The following NDUFAF7 variants were observed in gnomAD, a reference collection of about 807,000 sequenced individuals.
The protein encoded by NDUFAF7 is NADH:ubiquinone oxidoreductase complex assembly factor 7.
A neutral mutation model predicts 47.2 loss-of-function variants in NDUFAF7; 48 were observed. The observed-to-expected ratio is 1.02, with a 90% confidence interval of 0.81 to 1.29. The LOEUF (loss-of-function observed/expected upper bound fraction) is 1.29, where lower values mean the gene tolerates loss of function less well. Ranked by LOEUF, NDUFAF7 falls within the 50% of genes most tolerant of loss-of-function variation. NDUFAF7 has a pLI of 0.00. For missense variants in NDUFAF7, 635 were observed against 537.6 expected (o/e 1.18, Z -1.79); for synonymous variants, 217 against 190.0 (o/e 1.14, Z -1.17).
chr2:37,232,365 G>A, intron 2 of NDUFAF7, 99 bp downstream of exon 2: 2 of 1,489,696 alleles, frequency 1.3e-6, no homozygotes, highest in Non-Finnish European at 9.4e-7. Context: ...CAGGCAGTGG[G>A]GGTGCCTGCC....
chr2:37,237,582 T>G (rs1665927309), intron 3 of NDUFAF7, among the ~76,000 whole-genome samples, 175 bp from the exon 4 acceptor site: 1 of 152,228 alleles, frequency 6.6e-6, no homozygotes, highest in South Asian at 2.1e-4. Context: ...TATGTTATGA[T>G]GTAGTCCCAG....
intron 9 of NDUFAF7, 59 bp downstream of exon 9, chr2:37,247,688 T>C (rs1366135481): frequency 3.2e-6 from 5 of 1,580,438 alleles, no homozygotes; most frequent in Non-Finnish European, 4.3e-6. Flanking sequence ...AAAAATTACT[T>C]TAAATAGTAT....
chr2:37,263,328 TTC>T, the NDUFAF7 span, among the ~76,000 whole-genome samples: 1 of 152,222 alleles, frequency 6.6e-6, no homozygotes. Context: ...TGTAATTTAT[TTC>T]TGCTTTAATG....
At chr2:37,260,176 A>C in the NDUFAF7 span, 1 of 1,519,164 alleles carries the variant, frequency 6.6e-7, no homozygotes, top group Non-Finnish European at 9.0e-7. Context: ...AAAAAAAAAA[A>C]ATTAGTTTTT....
chr2:37,244,241 T>C (rs747276604), intron 7 of NDUFAF7, among the ~76,000 whole-genome samples: 9 of 152,328 alleles, frequency 5.9e-5, no homozygotes, highest in South Asian at 2.1e-4. Context: ...TTTCACTGCT[T>C]ATCTCAGTTT....
downstream of NDUFAF7, chr2:37,251,124 G>C (rs1168960363): frequency 2.0e-5 from 3 of 152,544 alleles, no homozygotes; most frequent in Non-Finnish European, 4.4e-5. Context: ...ATTCCATTTT[G>C]TGTGTGTTGA....
chr2:37,237,636 A>T, intron 3 of NDUFAF7, 121 bp from the exon 4 acceptor site: 1 of 719,140 alleles, frequency 1.4e-6, no homozygotes, highest in Non-Finnish European at 2.4e-6. Context: ...AACAACATAC[A>T]TATGGCTGTA....
In NDUFAF7 at chr2:37,237,895, C is replaced by G. The variant is rs749265055; in HGVS notation, c.408+28C>G. ...AGGTAATAAAAGAATGTCTTCTAGT[C>G]TCATATAAGTGAATTTTAGTACTTC... is the stretch of plus-strand genomic sequence containing the variant. On this transcript the variant is annotated intron_variant, in intron 4 of 9. Transcript: ENST00000002125. 7 of 1,482,460 alleles carry G rather than the reference C, an allele frequency of 4.7e-6. No individual in the cohort carries two copies. The African/African-American group carries it at 9.7e-5, about 21-fold the overall frequency. 91.8% of individuals were successfully genotyped at this position (1,482,460 alleles called of 1,614,324 possible). A position where few individuals can be genotyped will look rare whatever the true frequency, so the allele number is the denominator to read the frequency against.
chr2:37,255,559 G>A (rs562779386), downstream of NDUFAF7, among the ~76,000 whole-genome samples: 18 of 152,238 alleles, frequency 1.2e-4, no homozygotes, highest in African/African-American at 4.3e-4. Context: ...TCCCAGCAGA[G>A]GTCCACAGGA....
At chr2:37,261,838 C>T in the NDUFAF7 span, among the ~76,000 whole-genome samples, 11 of 152,296 alleles carry the variant, frequency 7.2e-5, no homozygotes, top group Middle Eastern at 3.4e-3. Flanking sequence ...TACAATTTTT[C>T]AACTGTAGAA....
At chr2:37,251,603 G>A (rs1158499215), downstream of NDUFAF7, 2 of 152,162 alleles carry the variant, frequency 1.3e-5, no homozygotes, top group African/African-American at 4.8e-5. Flanking sequence ...GTCTGTTCAT[G>A]TACCAGAACA....
chr2:37,266,328 T>C, the NDUFAF7 span, among the ~76,000 whole-genome samples: 34 of 152,182 alleles, frequency 2.2e-4, no homozygotes, highest in Non-Finnish European at 1.3e-4. Context: ...GCATTAACCA[T>C]TTTTTGTTGT....
At chr2:37,237,648 A>C (rs1337696438) in intron 3 of NDUFAF7, 109 bp from the exon 4 acceptor site, 1 of 767,908 alleles carries the variant, frequency 1.3e-6, no homozygotes, top group Non-Finnish European at 2.2e-6. Context: ...ATGGCTGTAC[A>C]CATTTTGCTT....
intron 3 of NDUFAF7, 25 bp downstream of exon 3, chr2:37,236,201 T>C: frequency 1.3e-6 from 2 of 1,515,470 alleles, no homozygotes; most frequent in Non-Finnish European, 1.8e-6. Context: ...AAAGTATGAA[T>C]GAAGCTAATA....
At chr2:37,267,346 T>TTAA in the NDUFAF7 span, 1 of 784,480 alleles carries the variant, frequency 1.3e-6, no homozygotes, top group African/African-American at 1.9e-5. Context: ...TTTGCCTTCT[T>TTAA]AAAAAAAAAA....
chr2:37,247,077 G>A (rs1243348426), intron 8 of NDUFAF7, among the ~76,000 whole-genome samples: 2 of 152,074 alleles, frequency 1.3e-5, no homozygotes, highest in African/African-American at 4.8e-5. Flanking sequence ...AGTCACCAGT[G>A]TTTGTTCCCA....
downstream of NDUFAF7, chr2:37,254,419 A>T: frequency 1.5e-6 from 1 of 654,406 alleles, no homozygotes; most frequent in Non-Finnish European, 2.8e-6. Flanking sequence ...AAGGACGTGG[A>T]CTTTTAGCTA....
chr2:37,257,546 G>T (rs1376321850), downstream of NDUFAF7, among the ~76,000 whole-genome samples: 1 of 151,634 alleles, frequency 6.6e-6, no homozygotes, highest in Non-Finnish European at 1.5e-5. Flanking sequence ...GGTGCCTGTA[G>T]TCCCAGCTAC....
chr2:37,246,915 G>T (rs537063433), intron 8 of NDUFAF7, among the ~76,000 whole-genome samples: 4 of 152,030 alleles, frequency 2.6e-5, no homozygotes, highest in African/African-American at 9.7e-5. Context: ...GATTTAGGGG[G>T]TACATGAGGC....
Sources: allele counts gnomAD v4.1 joint callset (sites outside exome capture counted in the v4.1 genomes callset), GRCh38; gene constraint gnomAD v4.1.1; transcripts MANE v1.5; gene names NCBI Gene and HGNC (gene_info 2026-07-23, HGNC 2026-07-21).